Variants in CYP19A1 observed in about 807,000 individuals in gnomAD.
The protein encoded by CYP19A1 is aromatase.
A neutral mutation model predicts 44.4 loss-of-function variants in CYP19A1; 32 were observed. The observed-to-expected ratio is 0.72, with a 90% confidence interval of 0.54 to 0.97. The LOEUF (loss-of-function observed/expected upper bound fraction) is 0.97, where lower values mean the gene tolerates loss of function less well. Among genes scored for constraint, CYP19A1 ranks in the 50% least tolerant of loss-of-function variants. The pLI is 0.00. For synonymous variants in CYP19A1, 212 were observed against 215.6 expected (o/e 0.98, Z 0.14); for missense variants, 598 against 637.8 (o/e 0.94, Z 0.67).
intron 3 of CYP19A1, among the ~76,000 whole-genome samples, chr15:51,232,494 A>G (rs1404986853): frequency 6.6e-6 from 1 of 151,994 alleles, no homozygotes; most frequent in Non-Finnish European, 1.5e-5. Context: ...TCTCTACTCA[A>G]TCATCCCACT....
At chr15:51,253,253 C>G (rs1002946642) in intron 1 of CYP19A1, among the ~76,000 whole-genome samples, 1 of 152,164 alleles carries the variant, frequency 6.6e-6, no homozygotes, top group African/African-American at 2.4e-5. Flanking sequence ...TATAGCAAAA[C>G]CTCAATAAAC....
intron 3 of CYP19A1, among the ~76,000 whole-genome samples, chr15:51,232,382 C>T (rs941063427): frequency 1.3e-5 from 2 of 152,144 alleles, no homozygotes; most frequent in Non-Finnish European, 2.9e-5. Flanking sequence ...GGTTTTCAGA[C>T]ATTACACTTT....
chr15:51,234,506 AC>A (rs1157088436), intron 3 of CYP19A1, among the ~76,000 whole-genome samples: 1 of 152,068 alleles, frequency 6.6e-6, no homozygotes, highest in Admixed American at 6.6e-5. Context: ...AAATTCACGG[AC>A]TTTTTCTGGA....
At chr15:51,295,110 G>A (rs891737274) in intron 1 of CYP19A1, among the ~76,000 whole-genome samples, 2 of 149,318 alleles carry the variant, frequency 1.3e-5, no homozygotes, top group Non-Finnish European at 3.0e-5. Context: ...CAGCAGCTGA[G>A]TGGGCTTGGA....
At chr15:51,335,593 A>G (rs1418041639) in intron 1 of CYP19A1, among the ~76,000 whole-genome samples, 1 of 152,194 alleles carries the variant, frequency 6.6e-6, no homozygotes, top group Non-Finnish European at 1.5e-5. Flanking sequence ...CATTTTCTAG[A>G]ACTCAGCACT....
intron 1 of CYP19A1, among the ~76,000 whole-genome samples, chr15:51,267,209 C>T (rs1477737909): frequency 6.6e-6 from 1 of 152,128 alleles, no homozygotes; most frequent in Non-Finnish European, 1.5e-5. Context: ...CGTATTGTGT[C>T]CCATTCACAG....
intron 1 of CYP19A1, among the ~76,000 whole-genome samples, chr15:51,261,860 A>C (rs1433152436): frequency 1.3e-5 from 2 of 152,174 alleles, no homozygotes; most frequent in Admixed American, 1.3e-4. Flanking sequence ...TAGAGTCTTC[A>C]GGTTCTGGGC....
chr15:51,297,526 G>T (rs1012433192), intron 1 of CYP19A1, among the ~76,000 whole-genome samples: 13 of 151,908 alleles, frequency 8.6e-5, no homozygotes, highest in African/African-American at 2.2e-4. Context: ...TCCAAGAGGG[G>T]CTTCTCTTTC....
chr15:51,320,344 T>G (rs1393596518), intron 1 of CYP19A1: 1 of 152,390 alleles, frequency 6.6e-6, no homozygotes, highest in Admixed American at 6.5e-5. Context: ...AGGGAGCACC[T>G]GCTACCCCCA....
chr15:51,248,296 A>G (rs1315579884), intron 1 of CYP19A1, among the ~76,000 whole-genome samples: 4 of 152,202 alleles, frequency 2.6e-5, no homozygotes, highest in Admixed American at 2.6e-4. Context: ...ATTTGCCGCC[A>G]TTACTTAGTA....
chr15:51,294,442 G>A (rs1378022438), intron 1 of CYP19A1, among the ~76,000 whole-genome samples: 27 of 146,546 alleles, frequency 1.8e-4, no homozygotes, highest in African/African-American at 6.8e-4. Context: ...CCTGGCAACC[G>A]CCCCGTCTGA....
In CYP19A1 at chr15:51,271,631, A is replaced by G. The variant is rs543906907; in HGVS notation, c.-38-28681T>C. Among the ~76,000 whole-genome samples, 13 of 152,194 alleles carry G rather than the reference A, an allele frequency of 8.5e-5. No homozygotes were observed. The South Asian group carries it at 2.7e-3, about 32-fold the overall frequency. The stretch of plus-strand genomic sequence containing the variant: ...TCTCTTTAGTTCTAGGGATCCCACC[A>G]TCCTTTTGGTTTTCTTTCCTTCTTC... On this transcript the variant is annotated intron_variant, in intron 1 of 9. Transcript: ENST00000396402.
At chr15:51,268,052 A>G (rs1446959907) in intron 1 of CYP19A1, among the ~76,000 whole-genome samples, 1 of 152,238 alleles carries the variant, frequency 6.6e-6, no homozygotes, top group Non-Finnish European at 1.5e-5. Flanking sequence ...TTTTTACTGT[A>G]GAGGTGGGGT....
intron 1 of CYP19A1, among the ~76,000 whole-genome samples, chr15:51,253,948 T>C (rs2034420455): frequency 6.6e-6 from 1 of 152,144 alleles, no homozygotes; most frequent in African/African-American, 2.4e-5. Context: ...TTTGCAATGC[T>C]GGAGGTAGGA....
intron 7 of CYP19A1, 72 bp downstream of exon 7, chr15:51,215,630 AG>A: frequency 1.2e-6 from 2 of 1,612,304 alleles, no homozygotes. Context: ...CAGTTACAAA[AG>A]GGGATCTTTA....
At chr15:51,257,046 G>A (rs1170872649) in intron 1 of CYP19A1, among the ~76,000 whole-genome samples, 1 of 152,178 alleles carries the variant, frequency 6.6e-6, no homozygotes, top group Non-Finnish European at 1.5e-5. Context: ...AAATTGTATG[G>A]TCACCTAATT....
chr15:51,319,275 G>C (rs1595782902), intron 1 of CYP19A1, among the ~76,000 whole-genome samples: 1 of 152,138 alleles, frequency 6.6e-6, no homozygotes, highest in Non-Finnish European at 1.5e-5. Flanking sequence ...GATTTTAATA[G>C]TTATTAATGG....
At chr15:51,277,957 T>G (rs1012315470) in intron 1 of CYP19A1, 6 of 144,632 alleles carry the variant, frequency 4.1e-5, no homozygotes, top group Non-Finnish European at 5.9e-5. Flanking sequence ...TGCATGAGTT[T>G]TTTTTTTTTT....
chr15:51,261,309 C>T lies in CYP19A1; in HGVS notation c.-38-18359G>A, dbSNP rs138511652. Among the ~76,000 whole-genome samples, 5 of 152,204 alleles carry T rather than the reference C, an allele frequency of 3.3e-5. No individual in the cohort carries two copies. The East Asian group carries it at 5.8e-4, about 18-fold the overall frequency. On this transcript the variant is annotated intron_variant, in intron 1 of 9. Transcript: ENST00000396402. ...TTGCCACCATCTTGGGAGTGGCCCA[C>T]GACCATCTTGGGAGTGGCCAACCAC...
Sources: allele counts gnomAD v4.1 joint callset (sites outside exome capture counted in the v4.1 genomes callset), GRCh38; gene constraint gnomAD v4.1.1; transcripts MANE v1.5; gene names NCBI Gene and HGNC (gene_info 2026-07-23, HGNC 2026-07-21).